Variants in RAPGEF6 observed in about 807,000 individuals in gnomAD.
RAPGEF6 encodes Rap guanine nucleotide exchange factor 6, also known as PDZ domain containing guanine nucleotide exchange factor (GEF) 2.
In RAPGEF6, 56 loss-of-function variants were observed where a neutral mutation model predicts 171.4. The observed-to-expected ratio is 0.33, with a 90% confidence interval of 0.26 to 0.41. The LOEUF is 0.41. RAPGEF6 is among the 10% of genes least tolerant of loss of function. The pLI is 1.00. For synonymous variants in RAPGEF6, 692 were observed against 650.1 expected, an observed-to-expected ratio of 1.06 and a Z score of -0.98; for missense variants, 1,674 against 1,921.4, an observed-to-expected ratio of 0.87 and a Z score of 2.41.
intron 16 of RAPGEF6, among the ~76,000 whole-genome samples, chr5:131,474,550 G>C (rs764392465): frequency 2.2e-4 from 34 of 152,136 alleles, no homozygotes; most frequent in Non-Finnish European, 3.7e-4. Flanking sequence ...TCCGAGTAAA[G>C]GTACTAGAGA....
chr5:131,564,474 A>G (rs368884018), intron 4 of RAPGEF6, among the ~76,000 whole-genome samples: 14 of 152,346 alleles, frequency 9.2e-5, no homozygotes, highest in East Asian at 5.8e-4. Context: ...AAATACATTT[A>G]AAAGATAAAG....
At chr5:131,455,420 G>A (rs540040413) in intron 20 of RAPGEF6, among the ~76,000 whole-genome samples, 39 of 151,988 alleles carry the variant, frequency 2.6e-4, no homozygotes, top group African/African-American at 6.3e-4. Context: ...CACCACCCCC[G>A]GCTAATCTTT....
chr5:131,599,419 T>A (rs958672082), intron 3 of RAPGEF6, among the ~76,000 whole-genome samples: 3 of 151,954 alleles, frequency 2.0e-5, no homozygotes, highest in Admixed American at 1.3e-4. Flanking sequence ...AACACAGGCA[T>A]GAGCAAAATA....
intron 1 of RAPGEF6, among the ~76,000 whole-genome samples, chr5:131,606,972 T>G (rs1489191291): frequency 6.6e-6 from 1 of 152,196 alleles, no homozygotes; most frequent in Non-Finnish European, 1.5e-5. Context: ...CTGCTGAATG[T>G]AGGTAATAAA....
intron 11 of RAPGEF6, among the ~76,000 whole-genome samples, chr5:131,501,547 T>C (rs1757029387): frequency 6.6e-6 from 1 of 152,018 alleles, no homozygotes; most frequent in Non-Finnish European, 1.5e-5. Context: ...TCAAGTATTT[T>C]TGATGTTCTG....
At chr5:131,434,537 C>G (rs1365023725) in intron 24 of RAPGEF6, among the ~76,000 whole-genome samples, 2 of 152,196 alleles carry the variant, frequency 1.3e-5, no homozygotes, top group East Asian at 3.8e-4. Flanking sequence ...CCATGCCCAG[C>G]CTGTTTCAGT....
intron 6 of RAPGEF6, among the ~76,000 whole-genome samples, chr5:131,527,582 G>GTAC (rs1014120174): frequency 1.3e-5 from 2 of 151,854 alleles, no homozygotes; most frequent in African/African-American, 4.8e-5. Flanking sequence ...TTCCTCTTAG[G>GTAC]GTACCTACTG....
At chr5:131,541,717 G>A (rs1396514698) in intron 6 of RAPGEF6, among the ~76,000 whole-genome samples, 1 of 151,944 alleles carries the variant, frequency 6.6e-6, no homozygotes, top group Non-Finnish European at 1.5e-5. Flanking sequence ...TCTAACATAG[G>A]TAATGTATTT....
intron 4 of RAPGEF6, among the ~76,000 whole-genome samples, chr5:131,581,268 C>CA (rs1364609080): frequency 2.0e-5 from 3 of 152,148 alleles, no homozygotes; most frequent in Admixed American, 6.5e-5. Flanking sequence ...TATATAACAT[C>CA]AAAAAACTCA....
At chr5:131,442,624 C>A (rs1752458676) in intron 22 of RAPGEF6, 87 bp from the exon 23 acceptor site, 6 of 1,508,510 alleles carry the variant, frequency 4.0e-6, no homozygotes. Context: ...ACTTTAAAAC[C>A]ATCTATTTTT....
chr5:131,550,394 T>A lies in RAPGEF6; in HGVS notation c.352-2204A>T, dbSNP rs113588868. 1.8e-3 allele frequency among the ~76,000 whole-genome samples: 267 copies of A among 152,312 alleles called. 1 individual carries two copies. Among genetic ancestry groups the A allele is most frequent in the African/African-American group, 5.8e-3 (240 of 41,568 alleles). On this transcript the variant is annotated intron_variant, in intron 5 of 27. Transcript: ENST00000509018. ...CCAAAATACTTTTATCACCTTATCTTACATGTACAATCCTGGAAAAGCTGC... is the reference window on the plus strand; with the variant it reads ...CCAAAATACTTTTATCACCTTATCTAACATGTACAATCCTGGAAAAGCTGC...
intron 21 of RAPGEF6, among the ~76,000 whole-genome samples, chr5:131,450,686 C>T (rs901219158): frequency 6.6e-6 from 1 of 152,110 alleles, no homozygotes; most frequent in African/African-American, 2.4e-5. Context: ...AAAGGGGTTA[C>T]TTTGTCCAAA....
chr5:131,565,004 TTATTAGGGCTATTAAAATACG>T (rs1231258785), intron 4 of RAPGEF6, among the ~76,000 whole-genome samples: 1 of 152,154 alleles, frequency 6.6e-6, no homozygotes, highest in Non-Finnish European at 1.5e-5. Flanking sequence ...ACTGAAAGCA[TTATTAGGGCTATTAAAATACG>T]TATTTTATAT....
chr5:131,512,242 G>A (rs1021079367), intron 7 of RAPGEF6, among the ~76,000 whole-genome samples: 2 of 152,262 alleles, frequency 1.3e-5, no homozygotes, highest in East Asian at 3.9e-4. Context: ...CAAGCCGTAC[G>A]GAGCCAAAAG....
chr5:131,502,806 T>C (rs1415566885), intron 11 of RAPGEF6, among the ~76,000 whole-genome samples: 1 of 152,200 alleles, frequency 6.6e-6, no homozygotes, highest in Non-Finnish European at 1.5e-5. Context: ...TGTTTTTGTT[T>C]GTTTGTTTTT....
chr5:131,588,993 C>T (rs974925925), intron 4 of RAPGEF6, among the ~76,000 whole-genome samples: 7 of 152,008 alleles, frequency 4.6e-5, no homozygotes, highest in African/African-American at 1.7e-4. Context: ...TTGCCAGAAC[C>T]CGGGAGGCAG....
In RAPGEF6 at chr5:131,503,766, C is replaced by T. The variant is rs9327614; in HGVS notation, c.1254+860G>A. Among the ~76,000 whole-genome samples the T allele has an allele frequency of 5.5e-3, 838 of 152,222 alleles. 5 individuals carry two copies. The highest frequency in any genetic ancestry group is 0.018 in the African/African-American group (751 of 41,528). On this transcript the variant is annotated intron_variant, in intron 11 of 27. Coordinates refer to ENST00000509018, the MANE Select transcript of RAPGEF6 (RefSeq NM_016340.6). ...TGAGAAGGCAAGTATTAGGAGAGGG[C>T]AGAACTTACAGAAGGGAAAACAGTA...
intron 7 of RAPGEF6, among the ~76,000 whole-genome samples, chr5:131,519,649 G>A (rs770209533): frequency 2.0e-5 from 3 of 152,130 alleles, no homozygotes; most frequent in East Asian, 3.9e-4. Context: ...TAATCCGCCC[G>A]CCTAGGCCTC....
Position 131,428,944 on chromosome 5 carries a change from G to C in RAPGEF6, c.4738C>G (p.Pro1580Ala). Reference protein sequence around the residue: ...PQRHNLQPFHPKLGDVTDADS... With the variant: ...PQRHNLQPFHAKLGDVTDADS... The stretch of plus-strand genomic sequence containing the variant: ...GCATCAGTCACATCTCCTAGTTTAG[G>C]ATGGAATGGCTGCAAATTATGCCTC... Residue 1580 changes from proline (P) to alanine (A), a missense_variant, in exon 27 of 28, where the codon CCT (proline) becomes GCT (alanine). By Grantham distance (27) the Pro-to-Ala change is conservative. This residue lies in a region of RAPGEF6 where 552 missense variants were observed against 574.2 expected (regional missense o/e 0.96). Coordinates refer to ENST00000509018, the MANE Select transcript of RAPGEF6 (RefSeq NM_016340.6). 1 of 1,614,172 alleles carries C rather than the reference G, an allele frequency of 6.2e-7. No individual in the cohort carries two copies. Among genetic ancestry groups the C allele is most frequent in the Non-Finnish European group, 8.5e-7 (1 of 1,180,026 alleles).
Sources: gnomAD v4.1 joint callset for allele counts (sites outside exome capture counted in the v4.1 genomes callset) on GRCh38, gnomAD v4.1.1 for gene constraint, gnomAD v4.1.1 regional missense constraint, MANE v1.5 for transcripts, NCBI Gene and HGNC (gene_info 2026-07-23, HGNC 2026-07-21) for gene names.